PLEKHA6: variants seen among roughly 807,000 people sequenced by gnomAD.
PLEKHA6 encodes pleckstrin homology domain-containing family A member 6.
PLEKHA6 carries 60 observed loss-of-function variants against 116.7 expected under a neutral mutation model. That is an observed-to-expected ratio of 0.51 (90% CI 0.42 to 0.64). PLEKHA6 has a LOEUF of 0.64. Among genes scored for constraint, PLEKHA6 ranks in the 30% least tolerant of loss-of-function variants. The pLI, the probability that PLEKHA6 is intolerant of heterozygous loss-of-function variation, is 0.00. For missense variants in PLEKHA6, 1,338 were observed against 1,422.7 expected (o/e 0.94, Z 0.96); for synonymous variants, 489 against 556.1 (o/e 0.88, Z 1.70).
At chr1:204,339,133 T>C (rs1672758661) in intron 1 of PLEKHA6, among the ~76,000 whole-genome samples, 1 of 152,194 alleles carries the variant, frequency 6.6e-6, no homozygotes, top group African/African-American at 2.4e-5. Context: ...CCAAGCCACG[T>C]GGAGAGGCCA....
Position 204,228,983 on chromosome 1 carries a change from T to C in PLEKHA6, c.2705A>G (p.Lys902Arg). Reference sequence around the variant, plus strand: ...ATAATGCTGGGGCTCTAGCTCCATTTTGCGAAGCCGGGCAATTTCCTCCCG... The same window carrying C: ...ATAATGCTGGGGCTCTAGCTCCATTCTGCGAAGCCGGGCAATTTCCTCCCG... ...TPREEIARLR[K>R]MELEPQHYDV... The change falls in exon 19 of 23, where the codon AAA becomes AGA. Residue 902 changes from lysine (K) to arginine (R), a missense_variant. This residue lies in a region of PLEKHA6 where 1,136 missense variants were observed against 1,163.6 expected (regional missense o/e 0.98). Coordinates refer to ENST00000272203, the MANE Select transcript of PLEKHA6 (RefSeq NM_014935.5). This position sits in a 1 kb window ranked among gnomAD's most constrained non-coding sequence, Gnocchi z 4.0. 8 of 1,614,202 alleles carry C rather than the reference T, an allele frequency of 5.0e-6. No homozygotes were observed. The highest frequency in any genetic ancestry group is 6.8e-6 in the Non-Finnish European group (8 of 1,180,032).
At chr1:204,229,247 T>C (rs909705319) in intron 18 of PLEKHA6, 143 bp from the exon 19 acceptor site, 3 of 773,282 alleles carry the variant, frequency 3.9e-6, no homozygotes, top group Admixed American at 2.7e-5. Flanking sequence ...ACTGCAGAAC[T>C]ATCTTCCTTC....
Position 204,261,569 on chromosome 1 carries a change from C to T in PLEKHA6, c.382-121G>A. 1 of 1,126,196 alleles carries T rather than the reference C, an allele frequency of 8.9e-7. No homozygotes were observed. Among genetic ancestry groups the T allele is most frequent in the Non-Finnish European group, 1.3e-6 (1 of 795,626 alleles). 69.8% of individuals were successfully genotyped at this position (1,126,196 alleles called of 1,614,324 possible). ...CAGTCAGTTGGGCCATTCCCTGCAC[C>T]TGGGGCTCTTCCCCATGCGGAGCTC... On this transcript the variant is annotated intron_variant, in intron 6 of 22. Transcript: ENST00000272203. This position sits in a 1 kb window ranked among gnomAD's most constrained non-coding sequence, Gnocchi z 4.0.
Position 204,248,848 on chromosome 1 carries a change from G to C in PLEKHA6, c.1797C>G (p.Ile599Met). 6.2e-7 allele frequency: 1 copy of C among 1,614,034 alleles called. No homozygotes were observed. The highest frequency in any genetic ancestry group is 1.1e-5 in the South Asian group (1 of 91,080). ...KDSLQNQLINIRVELSQATTA... is the reference protein window; with the variant it reads ...KDSLQNQLINMRVELSQATTA... ...TGGTCGCCTGAGACAGCTCCACGCG[G>C]ATGTTGATGAGCTGGTTCTGCAGTG... is the stretch of plus-strand genomic sequence containing the variant. Residue 599 changes from isoleucine (I) to methionine (M), a missense_variant, in exon 12 of 23, where the codon ATC becomes ATG. Physicochemically the swap from Ile to Met is conservative, Grantham distance 10. Coordinates refer to ENST00000272203, the MANE Select transcript of PLEKHA6 (RefSeq NM_014935.5).
chr1:204,361,049 C>T (rs1673547533), upstream of PLEKHA6, among the ~76,000 whole-genome samples: 1 of 152,178 alleles, frequency 6.6e-6, no homozygotes, highest in South Asian at 2.1e-4. Context: ...CAGGCAGGCT[C>T]GCTGGTCTCA....
chr1:204,376,395 A>G (rs2103424698), intron 1 of PLEKHA6, among the ~76,000 whole-genome samples: 1 of 152,352 alleles, frequency 6.6e-6, no homozygotes, highest in Non-Finnish European at 1.5e-5. Flanking sequence ...TAGCCACTGC[A>G]GTTTTAATAT....
At chr1:204,267,384 T>A in intron 5 of PLEKHA6, 91 bp downstream of exon 5, 1 of 1,149,508 alleles carries the variant, frequency 8.7e-7, no homozygotes, top group Non-Finnish European at 1.3e-6. Flanking sequence ...CTGGTGCCCA[T>A]CCAAAGCCAA....
intron 15 of PLEKHA6, chr1:204,243,380 C>A (rs533951109): frequency 2.5e-6 from 1 of 398,502 alleles, no homozygotes; most frequent in South Asian, 1.3e-4. Context: ...GGGTGGGCCC[C>A]TGGGACCACT....
At position 204,228,708 on chromosome 1, in the gene PLEKHA6, G is replaced by C; in HGVS notation, c.2885+20C>G. On this transcript the variant is annotated intron_variant, in intron 20 of 22. Transcript: ENST00000272203. This position sits in a 1 kb window ranked among gnomAD's most constrained non-coding sequence, Gnocchi z 4.0. ...TGCCAGGGTGAGCAGAGGAAGTAGA[G>C]GCTCACCCAGGCTGGTTACCTGGAT... 6.2e-7 allele frequency: 1 copy of C among 1,611,738 alleles called. No homozygotes were observed. Among genetic ancestry groups the C allele is most frequent in the Non-Finnish European group, 8.5e-7 (1 of 1,177,924 alleles).
intron 1 of PLEKHA6, among the ~76,000 whole-genome samples, chr1:204,315,921 GGTAAAGGTTCGTGTTGGGAA>G (rs1671840037): frequency 6.6e-6 from 1 of 152,196 alleles, no homozygotes; most frequent in African/African-American, 2.4e-5. Context: ...ACCTGGACTA[GGTAAAGGTTCGTGTTGGGAA>G]GTAACGATAA....
intron 21 of PLEKHA6, 91 bp downstream of exon 21, chr1:204,227,992 C>T: frequency 7.6e-7 from 1 of 1,317,386 alleles, no homozygotes; most frequent in South Asian, 1.4e-5. Flanking sequence ...CTCTTTGCTA[C>T]TGCCCCCCTT....
chr1:204,287,343 C>T (rs961662008), intron 1 of PLEKHA6, among the ~76,000 whole-genome samples: 2 of 151,672 alleles, frequency 1.3e-5, no homozygotes, highest in South Asian at 4.1e-4. Flanking sequence ...CCAAGGAATT[C>T]TTGTCCACAC....
chr1:204,298,891 G>A (rs1670545859), intron 1 of PLEKHA6, among the ~76,000 whole-genome samples: 1 of 152,230 alleles, frequency 6.6e-6, no homozygotes, highest in Non-Finnish European at 1.5e-5. Context: ...ACAGGAAGGA[G>A]CTGCTTTTCC....
chr1:204,338,706 C>T (rs1472156006), intron 1 of PLEKHA6, among the ~76,000 whole-genome samples: 1 of 152,082 alleles, frequency 6.6e-6, no homozygotes, highest in Non-Finnish European at 1.5e-5. Flanking sequence ...CCAGGGAAGG[C>T]TGAGAGATCA....
chr1:204,264,699 T>C (rs76794375), intron 6 of PLEKHA6, among the ~76,000 whole-genome samples: 2,877 of 152,230 alleles, frequency 0.019, 85 homozygotes, highest in African/African-American at 0.064. Flanking sequence ...CTTAGGAGAA[T>C]TGCCCACCCA....
chr1:204,255,503 T>A, intron 9 of PLEKHA6: 2 of 632,974 alleles, frequency 3.2e-6, no homozygotes, highest in Non-Finnish European at 5.7e-6. Context: ...ATAAGCCACT[T>A]TGTTGTGTCC....
intron 2 of PLEKHA6, among the ~76,000 whole-genome samples, chr1:204,370,070 T>C (rs1255752285): frequency 6.6e-6 from 1 of 152,214 alleles, no homozygotes; most frequent in African/African-American, 2.4e-5. Context: ...CTGGAAGCAA[T>C]AGAACCAAGA....
chr1:204,256,506 C>T (rs1665308837), intron 9 of PLEKHA6, among the ~76,000 whole-genome samples: 1 of 152,158 alleles, frequency 6.6e-6, no homozygotes, highest in African/African-American at 2.4e-5. Flanking sequence ...ATTTTTCCTG[C>T]CTAGGCCCCT....
chr1:204,329,840 A>T (rs1011686835), intron 1 of PLEKHA6, among the ~76,000 whole-genome samples: 1 of 151,384 alleles, frequency 6.6e-6, no homozygotes, highest in African/African-American at 2.4e-5. Context: ...AGATCACTTG[A>T]GGCCAGGAGT....
Sources: allele counts gnomAD v4.1 joint callset (sites outside exome capture counted in the v4.1 genomes callset), GRCh38; gene constraint gnomAD v4.1.1; regional missense constraint gnomAD v4.1.1; non-coding constraint Gnocchi (gnomAD v3.1); transcripts MANE v1.5; gene names NCBI Gene and HGNC (gene_info 2026-07-23, HGNC 2026-07-21).